The following RNF212 variants were observed in gnomAD, a reference collection of about 807,000 sequenced individuals.
The protein encoded by RNF212 is ring finger protein 212.
Under a neutral mutation model 34.7 loss-of-function variants are expected in RNF212, and 33 were observed. That is an observed-to-expected ratio of 0.95 (90% confidence interval 0.72 to 1.27). The LOEUF is 1.27. Among genes scored for constraint, RNF212 ranks in the 50% most tolerant of loss-of-function variants. The pLI is 0.00. For missense variants in RNF212, 377 were observed against 362.2 expected (o/e 1.04, Z -0.33); for synonymous variants, 140 against 136.1 (o/e 1.03, Z -0.20).
At chr4:1,106,253 C>G (rs1457412972) in intron 2 of RNF212, among the ~76,000 whole-genome samples, 1 of 25,408 alleles carries the variant, frequency 3.9e-5, no homozygotes, top group African/African-American at 1.2e-4. Flanking sequence ...TTTACTTACA[C>G]ACACACACAC....
intron 2 of RNF212, among the ~76,000 whole-genome samples, chr4:1,103,281 G>C (rs1474016438): frequency 2.6e-5 from 4 of 151,912 alleles, no homozygotes; most frequent in African/African-American, 9.7e-5. Context: ...AAACTTACTG[G>C]GCCTAAATAG....
intron 8 of RNF212, among the ~76,000 whole-genome samples, chr4:1,078,584 G>A (rs894598715): frequency 6.6e-6 from 1 of 152,224 alleles, no homozygotes; most frequent in Non-Finnish European, 1.5e-5. Context: ...GGCTGACAAA[G>A]TTTACTACTG....
chr4:1,104,501 G>C (rs1024980061), intron 2 of RNF212, among the ~76,000 whole-genome samples: 3 of 152,170 alleles, frequency 2.0e-5, no homozygotes, highest in Admixed American at 2.0e-4. Context: ...GGCCAGGCCT[G>C]GAAGTGGTCT....
intron 5 of RNF212, chr4:1,085,686 A>G (rs1203238778): frequency 5.1e-6 from 3 of 587,162 alleles, no homozygotes; most frequent in Admixed American, 3.0e-5. Context: ...GAAACCATTC[A>G]TCTCTTTTTC....
chr4:1,066,959 G>A (rs10017931), downstream of RNF212, among the ~76,000 whole-genome samples: 116,376 of 152,024 alleles, frequency 0.77, 44,784 homozygotes, highest in Non-Finnish European at 0.78. Context: ...ATTTTGAATT[G>A]ACTTTTCTAC....
At chr4:1,062,484 G>A (rs886614365) in intron 3 of RNF212, among the ~76,000 whole-genome samples, 2 of 152,170 alleles carry the variant, frequency 1.3e-5, no homozygotes, top group Admixed American at 6.5e-5. Flanking sequence ...AAAAGGACTA[G>A]AAGGGCACTT....
intron 2 of RNF212, among the ~76,000 whole-genome samples, chr4:1,106,815 G>A (rs1223870076): frequency 6.6e-6 from 1 of 152,190 alleles, no homozygotes; most frequent in African/African-American, 2.4e-5. Flanking sequence ...AGTATTTTCT[G>A]TTAAAAGTGC....
intron 5 of RNF212, among the ~76,000 whole-genome samples, chr4:1,084,306 T>C (rs969883408): frequency 6.6e-6 from 1 of 152,162 alleles, no homozygotes; most frequent in African/African-American, 2.4e-5. Context: ...AAAGGAGGAA[T>C]TTGCAAATGT....
At chr4:1,066,818 TA>T (rs928292238), downstream of RNF212, among the ~76,000 whole-genome samples, 1 of 151,988 alleles carries the variant, frequency 6.6e-6, no homozygotes, top group African/African-American at 2.4e-5. Context: ...TCAATTTGTT[TA>T]ATTTTTTTTT....
chr4:1,079,153 C>G (rs1414732098), intron 8 of RNF212, among the ~76,000 whole-genome samples: 1 of 151,546 alleles, frequency 6.6e-6, no homozygotes, highest in Admixed American at 6.6e-5. Flanking sequence ...AGGGTCAACA[C>G]AGGACCAACA....
At chr4:1,069,965 A>G (rs958160410), downstream of RNF212, among the ~76,000 whole-genome samples, 11 of 145,454 alleles carry the variant, frequency 7.6e-5, no homozygotes, top group East Asian at 4.3e-4. Context: ...GTGGACGCCT[A>G]GCCTGAATTA....
intron 3 of RNF212, chr4:1,094,093 CTGA>C: frequency 6.9e-7 from 1 of 1,446,786 alleles, no homozygotes; most frequent in Non-Finnish European, 9.1e-7. Flanking sequence ...TGACCACAGC[CTGA>C]AGGCACAAGC....
At chr4:1,090,914 A>C (rs1722088648) in intron 3 of RNF212, 76 bp from the exon 4 acceptor site, 2 of 908,572 alleles carry the variant, frequency 2.2e-6, no homozygotes, top group Non-Finnish European at 3.7e-6. Flanking sequence ...GGGGAGGAGG[A>C]GGCTGGAGGG....
At position 1,071,769 on chromosome 4, in the gene RNF212, C is replaced by T. The variant is rs1718519696; in HGVS notation, c.*1105G>A. 1 of 152,256 alleles carries T rather than the reference C, an allele frequency of 6.6e-6. No individual in the cohort carries two copies. The highest frequency in any genetic ancestry group is 6.5e-5 in the Admixed American group (1 of 15,284). 9.4% of individuals were successfully genotyped at this position (152,256 alleles called of 1,614,324 possible). A position where few individuals can be genotyped will look rare whatever the true frequency, so the allele number is the denominator to read the frequency against. ...TGGCCAAAATCCAGAACACTGACATCATCAAATGTGAGGACGTGGAGCAAC... is the reference window on the plus strand; with the variant it reads ...TGGCCAAAATCCAGAACACTGACATTATCAAATGTGAGGACGTGGAGCAAC... On this transcript the variant is annotated 3_prime_UTR_variant, in exon 10 of 10. Coordinates refer to ENST00000433731, the MANE Select transcript of RNF212 (RefSeq NM_001131034.4).
At chr4:1,078,836 G>A (rs963030017) in intron 8 of RNF212, among the ~76,000 whole-genome samples, 42 of 151,618 alleles carry the variant, frequency 2.8e-4, no homozygotes, top group African/African-American at 9.4e-4. Flanking sequence ...GACCAACACG[G>A]GACCAACACA....
intron 2 of RNF212, 50 bp from the exon 3 acceptor site, chr4:1,096,889 C>G (rs1242088174): frequency 1.5e-6 from 2 of 1,368,700 alleles, no homozygotes; most frequent in Non-Finnish European, 2.1e-6. Flanking sequence ...ATAAACGCTT[C>G]TGGCCCCCAG....
chr4:1,109,870 G>A (rs1725389222), intron 1 of RNF212, among the ~76,000 whole-genome samples: 1 of 152,198 alleles, frequency 6.6e-6, no homozygotes, highest in African/African-American at 2.4e-5. Context: ...CCAGCACACA[G>A]AATGGTGTCC....
At chr4:1,084,384 G>A (rs28717061) in intron 5 of RNF212, among the ~76,000 whole-genome samples, 18,175 of 152,138 alleles carry the variant, frequency 0.12, 1,274 homozygotes, top group East Asian at 0.31. Flanking sequence ...GTTGCAATGC[G>A]TTTACAATCT....
At position 1,106,947 on chromosome 4, in the gene RNF212, C is replaced by T. The variant is rs370652671; in HGVS notation, c.171+1396G>A. 4.7e-4 allele frequency among the ~76,000 whole-genome samples: 72 copies of T among 152,106 alleles called. 1 individual carries two copies. In the South Asian group the frequency reaches 0.011, roughly 23 times the overall value. On this transcript the variant is annotated intron_variant, in intron 2 of 9. Transcript: ENST00000433731. ...TTCACTGGAAGGTTGTTTGAAACAGCGAAAAACCGAAAAAATCCAAAGGCT... is the reference window on the plus strand; with the variant it reads ...TTCACTGGAAGGTTGTTTGAAACAGTGAAAAACCGAAAAAATCCAAAGGCT...
Sources: gnomAD v4.1 joint callset for allele counts (sites outside exome capture counted in the v4.1 genomes callset) on GRCh38, gnomAD v4.1.1 for gene constraint, MANE v1.5 for transcripts, NCBI Gene and HGNC (gene_info 2026-07-23, HGNC 2026-07-21) for gene names.